The following CYYR1 variants were observed in gnomAD, a reference collection of about 807,000 sequenced individuals.
CYYR1 encodes the protein cysteine and tyrosine-rich protein 1.
In CYYR1, 14 loss-of-function variants were observed where a neutral mutation model predicts 15.2. The ratio of observed to expected loss-of-function variants is 0.92; its 90% CI spans 0.61 to 1.44. The LOEUF (loss-of-function observed/expected upper bound fraction) is 1.44, where lower values mean the gene tolerates loss of function less well. Ranked by LOEUF, CYYR1 falls within the 40% of genes most tolerant of loss-of-function variation. CYYR1 has a pLI of 0.00. For synonymous variants in CYYR1, 80 were observed against 77.4 expected, an observed-to-expected ratio of 1.03 and a Z score of -0.18; for missense variants, 228 against 209.5, an observed-to-expected ratio of 1.09 and a Z score of -0.54.
At chr21:26,560,597 A>AT (rs1980130273) in intron 2 of CYYR1, among the ~76,000 whole-genome samples, 1 of 152,068 alleles carries the variant, frequency 6.6e-6, no homozygotes, top group African/African-American at 2.4e-5. Context: ...TAGGTTAAAC[A>AT]TTTTTTCTTC....
chr21:26,477,861 C>A, intron 3 of CYYR1: 1 of 1,235,650 alleles, frequency 8.1e-7, no homozygotes, highest in South Asian at 3.7e-5. Context: ...TATTTTTTTC[C>A]TTATATTCCA....
intron 2 of CYYR1, among the ~76,000 whole-genome samples, chr21:26,518,322 T>C (rs1402502092): frequency 6.6e-6 from 1 of 152,206 alleles, no homozygotes; most frequent in Non-Finnish European, 1.5e-5. Flanking sequence ...TGTAATGGTA[T>C]TGGGAGGTTG....
At chr21:26,509,505 T>A (rs1176605037) in intron 2 of CYYR1, among the ~76,000 whole-genome samples, 1 of 152,188 alleles carries the variant, frequency 6.6e-6, no homozygotes, top group Non-Finnish European at 1.5e-5. Context: ...ATAATGCTGA[T>A]AGCAGCTGTA....
intron 2 of CYYR1, among the ~76,000 whole-genome samples, chr21:26,532,486 C>G (rs745662997): frequency 6.6e-6 from 1 of 152,090 alleles, no homozygotes; most frequent in African/African-American, 2.4e-5. Flanking sequence ...GACCCGTTTC[C>G]TGGTCCCTCC....
chr21:26,569,650 C>A (rs573073045), intron 1 of CYYR1, among the ~76,000 whole-genome samples: 1 of 152,282 alleles, frequency 6.6e-6, no homozygotes, highest in Non-Finnish European at 1.5e-5. Flanking sequence ...TGTGAGAGAG[C>A]TAATGTCCCC....
chr21:26,469,753 T>A (rs922799615), intron 3 of CYYR1, among the ~76,000 whole-genome samples: 1 of 152,170 alleles, frequency 6.6e-6, no homozygotes, highest in Non-Finnish European at 1.5e-5. Context: ...TATCCTTTAA[T>A]AAATTTCTCC....
chr21:26,489,396 A>G (rs1360966998), intron 2 of CYYR1, among the ~76,000 whole-genome samples: 4 of 152,128 alleles, frequency 2.6e-5, no homozygotes, highest in Admixed American at 1.3e-4. Context: ...GTTAGCATTT[A>G]TTTGCACTGA....
intron 3 of CYYR1, among the ~76,000 whole-genome samples, chr21:26,478,377 C>A (rs1317365530): frequency 1.3e-5 from 2 of 151,862 alleles, no homozygotes; most frequent in Non-Finnish European, 2.9e-5. Context: ...CTAGGCAAAG[C>A]CCTATGGTGG....
At chr21:26,490,317 T>A (rs114916489) in intron 2 of CYYR1, among the ~76,000 whole-genome samples, 4,171 of 151,676 alleles carry the variant, frequency 0.027, 60 homozygotes, top group Non-Finnish European at 0.038. Context: ...TTAAAAAAAA[T>A]ATATATATAT....
At chr21:26,506,908 A>G (rs557425107) in intron 2 of CYYR1, among the ~76,000 whole-genome samples, 9 of 152,300 alleles carry the variant, frequency 5.9e-5, no homozygotes, top group African/African-American at 1.7e-4. Flanking sequence ...AGCTGATCAC[A>G]GAGAAAGTAG....
chr21:26,569,957 T>C (rs1178688618), intron 1 of CYYR1, among the ~76,000 whole-genome samples: 2 of 152,218 alleles, frequency 1.3e-5, no homozygotes, highest in African/African-American at 4.8e-5. Flanking sequence ...CCAGTGCTCT[T>C]GTCTACTTCC....
chr21:26,567,196 A>C (rs1980692919), intron 1 of CYYR1, among the ~76,000 whole-genome samples: 1 of 152,172 alleles, frequency 6.6e-6, no homozygotes, highest in African/African-American at 2.4e-5. Context: ...GTATAATTAC[A>C]GTTTGCATAT....
At chr21:26,516,290 C>T (rs2065726408) in intron 2 of CYYR1, among the ~76,000 whole-genome samples, 1 of 152,166 alleles carries the variant, frequency 6.6e-6, no homozygotes. Flanking sequence ...CCAACTTGAA[C>T]TGTAGGGCAA....
chr21:26,570,803 C>G (rs1336180322), intron 1 of CYYR1, among the ~76,000 whole-genome samples: 1 of 152,150 alleles, frequency 6.6e-6, no homozygotes, highest in Non-Finnish European at 1.5e-5. Context: ...TAGTTCCAAC[C>G]AAACTGAAAT....
In CYYR1 at chr21:26,468,347, A is replaced by C; in HGVS notation, c.*154T>G. The C allele has an allele frequency of 1.4e-6, 1 of 690,944 alleles. No individual in the cohort carries two copies. The highest frequency in any genetic ancestry group is 2.0e-5 in the Admixed American group (1 of 48,972). The allele number at this position is 690,944 out of a possible 1,614,324, so 42.8% of individuals were successfully genotyped here. On this transcript the variant is annotated 3_prime_UTR_variant, in exon 4 of 4. Coordinates refer to ENST00000652641, the MANE Select transcript of CYYR1 (RefSeq NM_001320768.2). ...GGGGTCAGCTTTGAGCAGAGTAGAA[A>C]TCCTATATCTCCTAGCAGGGATATT...
intron 3 of CYYR1, among the ~76,000 whole-genome samples, chr21:26,479,053 A>G (rs1359918134): frequency 6.6e-6 from 1 of 152,094 alleles, no homozygotes; most frequent in Non-Finnish European, 1.5e-5. Context: ...GATAAAATGA[A>G]TTGGTTTGGA....
chr21:26,564,437 A>AT (rs1394768446), intron 2 of CYYR1, among the ~76,000 whole-genome samples: 2 of 152,042 alleles, frequency 1.3e-5, no homozygotes, highest in Admixed American at 1.3e-4. Flanking sequence ...CTGAAACACG[A>AT]TTTTTTCCCC....
intron 2 of CYYR1, among the ~76,000 whole-genome samples, chr21:26,532,164 A>C (rs2065939870): frequency 6.6e-6 from 1 of 152,158 alleles, no homozygotes; most frequent in Non-Finnish European, 1.5e-5. Context: ...TTTTAATATC[A>C]ATAATGAGGC....
At chr21:26,540,377 A>G (rs1475376716) in intron 2 of CYYR1, among the ~76,000 whole-genome samples, 1 of 152,192 alleles carries the variant, frequency 6.6e-6, no homozygotes, top group Non-Finnish European at 1.5e-5. Context: ...CTAGTTAGCT[A>G]AATCCCGAAC....
Sources: gnomAD v4.1 joint callset for allele counts (sites outside exome capture counted in the v4.1 genomes callset) on GRCh38, gnomAD v4.1.1 for gene constraint, MANE v1.5 for transcripts, NCBI Gene and HGNC (gene_info 2026-07-23, HGNC 2026-07-21) for gene names.